PITPNC1: variants seen among roughly 807,000 people sequenced by gnomAD.
The protein encoded by PITPNC1 is phosphatidylinositol transfer protein cytoplasmic 1, also known as cytoplasmic phosphatidylinositol transfer protein 1.
A neutral mutation model predicts 44.7 loss-of-function variants in PITPNC1; 18 were observed. The ratio of observed to expected loss-of-function variants is 0.40; its 90% CI spans 0.28 to 0.60. PITPNC1 has a LOEUF of 0.60. PITPNC1 is among the 20% of genes least tolerant of loss of function. The pLI is 0.39. For missense variants in PITPNC1, 290 were observed against 418.4 expected (o/e 0.69, Z 2.68); for synonymous variants, 141 against 149.6 (o/e 0.94, Z 0.42).
At chr17:67,471,363 G>C (rs905548480) in intron 1 of PITPNC1, 1 of 266,864 alleles carries the variant, frequency 3.7e-6, no homozygotes. Flanking sequence ...TTTACCAGTT[G>C]ATGGACATTT....
At chr17:67,412,225 C>A (rs899251456) in intron 1 of PITPNC1, among the ~76,000 whole-genome samples, 1 of 152,186 alleles carries the variant, frequency 6.6e-6, no homozygotes, top group African/African-American at 2.4e-5. Flanking sequence ...CCTTTCCAAA[C>A]TGAGCACAGG....
chr17:67,467,381 A>T (rs11649758), intron 1 of PITPNC1, among the ~76,000 whole-genome samples: 45,238 of 151,914 alleles, frequency 0.3, 9,973 homozygotes, highest in African/African-American at 0.62. Flanking sequence ...GAACTAAAAT[A>T]TCTTTTCAGA....
rs1337459875 is a variant in PITPNC1 at position 67,693,087 on chromosome 17, G to A, written c.*199G>A. 1 of 546,754 alleles carries A rather than the reference G, an allele frequency of 1.8e-6. No individual in the cohort carries two copies. The highest frequency in any genetic ancestry group is 3.0e-5 in the East Asian group (1 of 33,344). 33.9% of individuals were successfully genotyped at this position (546,754 alleles called of 1,614,324 possible). ...CACAGCATCATATTAGATGTAAGAT[G>A]TAAGACTTGCAAAGGACAGAAGGAA... On this transcript the variant is annotated 3_prime_UTR_variant, in exon 9 of 9. Coordinates refer to ENST00000581322, the MANE Select transcript of PITPNC1 (RefSeq NM_012417.4).
intron 2 of PITPNC1, among the ~76,000 whole-genome samples, chr17:67,536,377 C>A (rs1414933351): frequency 1.3e-5 from 2 of 152,078 alleles, no homozygotes; most frequent in Non-Finnish European, 2.9e-5. Flanking sequence ...GTGTGCACCA[C>A]CACAATGCCC....
At chr17:67,513,660 A>C (rs2040221421) in intron 1 of PITPNC1, among the ~76,000 whole-genome samples, 2 of 151,956 alleles carry the variant, frequency 1.3e-5, no homozygotes. Context: ...GACGGCTGGA[A>C]GGGGGCTTCC....
At chr17:67,633,495 T>C (rs1227747079) in intron 6 of PITPNC1, among the ~76,000 whole-genome samples, 3 of 152,232 alleles carry the variant, frequency 2.0e-5, no homozygotes, top group African/African-American at 7.2e-5. Context: ...CTGAAAGGGC[T>C]GGGGAGAGGC....
At chr17:67,433,797 G>T (rs537791535) in intron 1 of PITPNC1, among the ~76,000 whole-genome samples, 2 of 152,204 alleles carry the variant, frequency 1.3e-5, no homozygotes, top group South Asian at 2.1e-4. Flanking sequence ...GGAGGCTGAC[G>T]CAGGAGGATC....
At chr17:67,623,158 TGGCTA>T (rs2041855409) in intron 5 of PITPNC1, among the ~76,000 whole-genome samples, 1 of 151,496 alleles carries the variant, frequency 6.6e-6, no homozygotes, top group South Asian at 2.1e-4. Flanking sequence ...ATCAGTGGTT[TGGCTA>T]GGCTTCTCTG....
At chr17:67,427,573 T>C (rs2038789460) in intron 1 of PITPNC1, among the ~76,000 whole-genome samples, 1 of 152,184 alleles carries the variant, frequency 6.6e-6, no homozygotes, top group Non-Finnish European at 1.5e-5. Flanking sequence ...GTGAGTGAGC[T>C]GGATTTGCTG....
intron 7 of PITPNC1, among the ~76,000 whole-genome samples, chr17:67,672,791 C>A (rs911259685): frequency 2.0e-5 from 3 of 152,104 alleles, no homozygotes; most frequent in Non-Finnish European, 4.4e-5. Flanking sequence ...CAGAAACGCA[C>A]CTGCTCTCGC....
At chr17:67,521,397 G>A (rs570398876) in intron 1 of PITPNC1, among the ~76,000 whole-genome samples, 2 of 152,198 alleles carry the variant, frequency 1.3e-5, no homozygotes, top group South Asian at 2.1e-4. Context: ...AGACACCTCC[G>A]AGGGCTGCTT....
chr17:67,395,302 G>A (rs1025831158), intron 1 of PITPNC1, among the ~76,000 whole-genome samples: 1 of 151,930 alleles, frequency 6.6e-6, no homozygotes, highest in Admixed American at 6.6e-5. Context: ...CACCATGTCT[G>A]GCTAATTTTT....
chr17:67,531,769 G>T (rs573600471), intron 1 of PITPNC1, among the ~76,000 whole-genome samples: 1 of 152,196 alleles, frequency 6.6e-6, no homozygotes, highest in Non-Finnish European at 1.5e-5. Flanking sequence ...CCCCATCCCA[G>T]AGGCGTCGGT....
chr17:67,599,152 C>T (rs2144270722), intron 5 of PITPNC1, among the ~76,000 whole-genome samples: 1 of 149,972 alleles, frequency 6.7e-6, no homozygotes, highest in East Asian at 2.0e-4. Context: ...GCCACTGTGC[C>T]TGGCTAAGAA....
chr17:67,595,629 G>A (rs1159950355), intron 5 of PITPNC1, among the ~76,000 whole-genome samples: 2 of 152,244 alleles, frequency 1.3e-5, no homozygotes, highest in East Asian at 3.9e-4. Context: ...TAACCATGCA[G>A]TGTGTCAGCT....
intron 5 of PITPNC1, among the ~76,000 whole-genome samples, chr17:67,588,711 G>A (rs1031685578): frequency 6.6e-6 from 1 of 152,172 alleles, no homozygotes; most frequent in African/African-American, 2.4e-5. Flanking sequence ...ATTTGTATTT[G>A]TAACTCCAAG....
intron 6 of PITPNC1, among the ~76,000 whole-genome samples, chr17:67,667,526 A>T (rs2042441746): frequency 6.8e-6 from 1 of 147,558 alleles, no homozygotes; most frequent in East Asian, 2.0e-4. Context: ...AAATTAGCTC[A>T]TACATACATA....
chr17:67,618,024 C>G (rs2041782059), intron 5 of PITPNC1, among the ~76,000 whole-genome samples: 1 of 152,028 alleles, frequency 6.6e-6, no homozygotes, highest in Non-Finnish European at 1.5e-5. Flanking sequence ...TCAATATATA[C>G]CATACAACCC....
chr17:67,565,284 G>A (rs1471618319), intron 4 of PITPNC1, among the ~76,000 whole-genome samples: 1 of 148,136 alleles, frequency 6.8e-6, no homozygotes, highest in Non-Finnish European at 1.5e-5. Context: ...CATGGTTTTT[G>A]ATGTGTATAT....
Sources: allele counts gnomAD v4.1 joint callset (sites outside exome capture counted in the v4.1 genomes callset), GRCh38; gene constraint gnomAD v4.1.1; transcripts MANE v1.5; gene names NCBI Gene and HGNC (gene_info 2026-07-23, HGNC 2026-07-21).